DMPK: variants seen among roughly 807,000 people sequenced by gnomAD.
DMPK encodes myotonin-protein kinase.
Under a neutral mutation model 70.3 loss-of-function variants are expected in DMPK, and 32 were observed. The ratio of observed to expected loss-of-function variants is 0.46; its 90% CI spans 0.34 to 0.61. DMPK has a LOEUF of 0.61. Among genes scored for constraint, DMPK ranks in the 20% least tolerant of loss-of-function variants. The pLI, the probability that DMPK is intolerant of heterozygous loss-of-function variation, is 0.01. For missense variants in DMPK, 899 were observed against 886.0 expected, an observed-to-expected ratio of 1.01 and a Z score of -0.19; for synonymous variants, 469 against 390.9, an observed-to-expected ratio of 1.20 and a Z score of -2.36.
chr19:45,779,149 C>A, intron 4 of DMPK, 115 bp downstream of exon 4: 2 of 1,064,238 alleles, frequency 1.9e-6, no homozygotes, highest in Non-Finnish European at 1.4e-6. Context: ...ACAGACTTTC[C>A]CACAGACGTT....
At chr19:45,779,648 T>C (rs954313153) in intron 2 of DMPK, 126 bp from the exon 3 acceptor site, 12 of 1,554,382 alleles carry the variant, frequency 7.7e-6, no homozygotes, top group African/African-American at 2.7e-5. Context: ...CGCCCATTGG[T>C]CCCAAGCCCC....
chr19:45,774,734 T>C (rs1969681827), intron 9 of DMPK, among the ~76,000 whole-genome samples: 1 of 152,216 alleles, frequency 6.6e-6, no homozygotes, highest in Non-Finnish European at 1.5e-5. Context: ...GGAAGCCCAG[T>C]CTGTGACTCT....
chr19:45,774,262 CTTTTTTTT>C (rs34551308), intron 9 of DMPK, among the ~76,000 whole-genome samples: 1 of 122,110 alleles, frequency 8.2e-6, no homozygotes, highest in Admixed American at 9.1e-5. Context: ...TAAATAAATA[CTTTTTTTT>C]TTTTTTTTTT....
chr19:45,782,233 T>C lies in DMPK; in HGVS notation c.120A>G (p.Glu40=). The C allele has an allele frequency of 6.3e-7, 1 of 1,599,650 alleles. No homozygotes were observed. Among genetic ancestry groups the C allele is most frequent in the South Asian group, 1.1e-5 (1 of 90,342 alleles). Residue 40 remains glutamate (E), a synonymous_variant, in exon 1 of 15, where the codon GAA becomes GAG. Transcript: ENST00000291270. Reference sequence around the variant, plus strand: ...CGGCCACGTACTTGTCCTGGGCCAGTTCGGAGGCGCCCAGCTCCTGGTGGA... The same window carrying C: ...CGGCCACGTACTTGTCCTGGGCCAGCTCGGAGGCGCCCAGCTCCTGGTGGA... The part of the protein sequence containing the change: ...LGVHQELGAS[E]LAQDKYVADF...
chr19:45,782,008 G>A (rs1046067862), intron 1 of DMPK, among the ~76,000 whole-genome samples, 185 bp downstream of exon 1: 26 of 152,148 alleles, frequency 1.7e-4, no homozygotes, highest in African/African-American at 5.6e-4. Context: ...CCCCTCCAGA[G>A]TGGTGGCATA....
chr19:45,771,227 C>A (rs527860410), intron 13 of DMPK, 123 bp downstream of exon 13: 2 of 1,352,496 alleles, frequency 1.5e-6, no homozygotes, highest in Admixed American at 4.8e-5. Context: ...TAAAGGGCTT[C>A]TGCCCTCTAA....
chr19:45,774,907 G>T (rs777520924), intron 9 of DMPK, 42 bp downstream of exon 9: 2 of 1,515,196 alleles, frequency 1.3e-6, no homozygotes, highest in South Asian at 2.2e-5. Flanking sequence ...GGAAGCTCAA[G>T]CAGCCTCGTG....
intron 4 of DMPK, chr19:45,779,025 G>C (rs1214082202): frequency 1.7e-6 from 1 of 592,592 alleles, no homozygotes; most frequent in Non-Finnish European, 3.0e-6. Context: ...CCCCGCAACA[G>C]AGACATCTTT....
At chr19:45,780,447 C>T (rs1161869791) in intron 1 of DMPK, 3 of 1,271,454 alleles carry the variant, frequency 2.4e-6, no homozygotes, top group South Asian at 2.9e-5. Flanking sequence ...TCAAGTGCTC[C>T]GGTCCAGCCC....
chr19:45,777,347 C>G lies in DMPK; in HGVS notation c.1126G>C (p.Ala376Pro), dbSNP rs777875351. 1.0e-5 allele frequency: 16 copies of G among 1,590,884 alleles called. No individual in the cohort carries two copies. The East Asian group carries it at 3.4e-4, about 33-fold the overall frequency. The change falls in exon 8 of 15, where the codon GCC (alanine) becomes CCC (proline). Residue 376 changes from alanine to proline, a missense_variant. This residue lies in a region of DMPK where 555 missense variants were observed against 483.8 expected (regional missense o/e 1.15). Coordinates refer to ENST00000291270, the MANE Select transcript of DMPK (RefSeq NM_004409.5). This position sits in a 1 kb window ranked among gnomAD's most constrained non-coding sequence, Gnocchi z 6.7. ...CCTACCCCGCCCCCGCTCACCATGG[C>G]AGTGAGCCCGTCCTCCACCAAGTCG... is the stretch of plus-strand genomic sequence containing the variant. ...NFDLVEDGLT[A>P]MVSGGGETLS...
rs771063469 is a variant in DMPK, at chr19:45,779,355, G to C, written c.341C>G (p.Ser114Trp). Residue 114 changes from serine to tryptophan, a missense_variant, in exon 4 of 15, where the codon TCG becomes TGG. Coordinates refer to ENST00000291270, the MANE Select transcript of DMPK (RefSeq NM_004409.5). Reference sequence around the variant, plus strand: ...CACGTCCCTCTCCTCACGGAAGCACGACACCTGCAGGGCACCCGGAGGAGC... The same window carrying C: ...CACGTCCCTCTCCTCACGGAAGCACCACACCTGCAGGGCACCCGGAGGAGC... Reference protein sequence around the residue: ...KWDMLKRGEVSCFREERDVLV... With the variant: ...KWDMLKRGEVWCFREERDVLV... The C allele has an allele frequency of 4.3e-6, 7 of 1,614,046 alleles. No homozygotes were observed. Among genetic ancestry groups the C allele is most frequent in the Non-Finnish European group, 5.9e-6 (7 of 1,180,022 alleles).
At chr19:45,770,697 C>T (rs1969347942) in intron 14 of DMPK, 57 bp from the exon 15 acceptor site, 1 of 1,523,336 alleles carries the variant, frequency 6.6e-7, no homozygotes, top group Non-Finnish European at 8.9e-7. Context: ...GCTCCTGGGA[C>T]TCGCCCCGCC....
intron 9 of DMPK, among the ~76,000 whole-genome samples, chr19:45,774,551 C>T (rs976862814): frequency 1.1e-4 from 16 of 152,146 alleles, no homozygotes; most frequent in Non-Finnish European, 2.2e-4. Flanking sequence ...CGTGAGCCAC[C>T]GCGGCCCGCC....
rs1048813139 is a variant in DMPK, at chr19:45,770,974, G to A, written c.1734C>T (p.Ala578=). The change falls in exon 14 of 15, where the codon GCC becomes GCT. Residue 578 remains alanine (A), a synonymous_variant. Coordinates refer to ENST00000291270, the MANE Select transcript of DMPK (RefSeq NM_004409.5). ...PMHRRHLLLP[A]RVPRPGLSEA... Reference sequence around the variant, plus strand: ...GGGCGTGGGCAGCCGGACGTACCCTGGCAGGGAGCAGCAGGTGGCGGCGGT... The same window carrying A: ...GGGCGTGGGCAGCCGGACGTACCCTAGCAGGGAGCAGCAGGTGGCGGCGGT... 2.7e-5 allele frequency: 38 copies of A among 1,428,068 alleles called. No individual in the cohort carries two copies. The highest frequency in any genetic ancestry group is 3.3e-5 in the Non-Finnish European group (36 of 1,095,944). 88.5% of individuals were successfully genotyped at this position (1,428,068 alleles called of 1,614,324 possible).
Position 45,777,832 on chromosome 19 carries a change from G to C in DMPK, c.717C>G (p.Ser239=). The C allele has an allele frequency of 6.2e-7, 1 of 1,611,672 alleles. No individual in the cohort carries two copies. The highest frequency in any genetic ancestry group is 8.5e-7 in the Non-Finnish European group (1 of 1,179,996). Residue 239 remains serine, a synonymous_variant, in exon 7 of 15, where the codon TCC becomes TCG. Transcript: ENST00000291270. This position sits in a 1 kb window ranked among gnomAD's most constrained non-coding sequence, Gnocchi z 6.7. ...CGCCCACAGCCTGCAGGATCTCGGG[G>C]GACAGGTAGTCTGGGGTGCCCACAG... ...LVAVGTPDYL[S]PEILQAVGGG...
chr19:45,782,245 C>G lies in DMPK; in HGVS notation c.108G>C (p.Leu36=), dbSNP rs1168321601. The G allele has an allele frequency of 1.2e-6, 2 of 1,610,374 alleles. No individual in the cohort carries two copies. Among genetic ancestry groups the G allele is most frequent in the East Asian group, 4.5e-5 (2 of 44,706 alleles). Residue 36 remains leucine, a synonymous_variant, in exon 1 of 15, where the codon CTG becomes CTC. Coordinates refer to ENST00000291270, the MANE Select transcript of DMPK (RefSeq NM_004409.5). ...TGTCCTGGGCCAGTTCGGAGGCGCC[C>G]AGCTCCTGGTGGACGCCCAGGAGAA... ...LDLLLGVHQE[L]GASELAQDKY... is the part of the protein sequence containing the mutation.
chr19:45,778,380 G>T, intron 5 of DMPK, 113 bp downstream of exon 5: 1 of 1,439,322 alleles, frequency 6.9e-7, no homozygotes, highest in Non-Finnish European at 9.5e-7. Flanking sequence ...GCACCCCCCG[G>T]TGGGCCCCAA....
intron 1 of DMPK, 86 bp downstream of exon 1, chr19:45,782,107 C>CT: frequency 1.2e-6 from 1 of 827,660 alleles, no homozygotes. Context: ...CCATCCTGCC[C>CT]CCCCAACAGC....
chr19:45,774,484 G>C (rs1026877156), intron 9 of DMPK, among the ~76,000 whole-genome samples: 4 of 151,326 alleles, frequency 2.6e-5, no homozygotes, highest in East Asian at 2.0e-4. Flanking sequence ...GGATGGTCTC[G>C]ATCTCCTGAC....
Sources: allele counts gnomAD v4.1 joint callset (sites outside exome capture counted in the v4.1 genomes callset), GRCh38; gene constraint gnomAD v4.1.1; regional missense constraint gnomAD v4.1.1; non-coding constraint Gnocchi (gnomAD v3.1); transcripts MANE v1.5; gene names NCBI Gene and HGNC (gene_info 2026-07-23, HGNC 2026-07-21).